Variants in TTLL11 observed in about 807,000 individuals in gnomAD.
The protein encoded by TTLL11 is tubulin tyrosine ligase like 11.
TTLL11 carries 42 observed loss-of-function variants against 51.7 expected under a neutral mutation model. The observed-to-expected ratio is 0.81, with a 90% CI of 0.64 to 1.05. TTLL11 has a LOEUF of 1.05. TTLL11 is among the 50% of genes least tolerant of loss of function. The pLI, the probability that TTLL11 is intolerant of heterozygous loss-of-function variation, is 0.00. For synonymous variants in TTLL11, 381 were observed against 383.5 expected, an observed-to-expected ratio of 0.99 and a Z score of 0.08; for missense variants, 799 against 940.4, an observed-to-expected ratio of 0.85 and a Z score of 1.97.
intron 7 of TTLL11, among the ~76,000 whole-genome samples, chr9:121,864,706 CTGTTTT>C (rs901922580): frequency 1.4e-4 from 22 of 152,282 alleles, no homozygotes; most frequent in South Asian, 6.2e-4. Context: ...AAGAAATAGT[CTGTTTT>C]TGTTTTTGTT....
chr9:122,073,192 T>C (rs978561625), intron 1 of TTLL11, among the ~76,000 whole-genome samples: 3 of 152,062 alleles, frequency 2.0e-5, no homozygotes, highest in Non-Finnish European at 4.4e-5. Flanking sequence ...GGCGGATCAC[T>C]TGAGATCAGG....
At chr9:121,931,193 T>C (rs1840954808) in intron 6 of TTLL11, among the ~76,000 whole-genome samples, 1 of 152,236 alleles carries the variant, frequency 6.6e-6, no homozygotes, top group Admixed American at 6.5e-5. Flanking sequence ...GTCCCATTTG[T>C]CAAACACCGA....
intron 1 of TTLL11, among the ~76,000 whole-genome samples, chr9:122,070,385 G>A (rs1845697385): frequency 6.6e-6 from 1 of 152,138 alleles, no homozygotes; most frequent in South Asian, 2.1e-4. Flanking sequence ...CAGGGGTGAG[G>A]CTGGCTAGGG....
At chr9:121,883,593 A>G (rs1307237801) in intron 6 of TTLL11, among the ~76,000 whole-genome samples, 1 of 152,214 alleles carries the variant, frequency 6.6e-6, no homozygotes, top group Non-Finnish European at 1.5e-5. Context: ...AGGTCCAGAG[A>G]AAAAGTCTAA....
intron 6 of TTLL11, among the ~76,000 whole-genome samples, chr9:121,902,554 TATGCTTG>T (rs1839812374): frequency 6.6e-6 from 1 of 152,190 alleles, no homozygotes. Context: ...CAGCTGGGTT[TATGCTTG>T]ATCTGTTTAG....
chr9:122,091,156 C>T (rs1437650789), intron 1 of TTLL11, among the ~76,000 whole-genome samples: 1 of 152,196 alleles, frequency 6.6e-6, no homozygotes, highest in Non-Finnish European at 1.5e-5. Context: ...ATCTGGCCTG[C>T]TTTATGTCTC....
intron 1 of TTLL11, among the ~76,000 whole-genome samples, chr9:122,077,814 A>G (rs1330338): frequency 0.42 from 61,447 of 146,810 alleles, 14,841 homozygotes; most frequent in African/African-American, 0.66. Context: ...CATGTATTAG[A>G]CCATAAAGCA....
Position 121,870,689 on chromosome 9 carries a change from G to A in TTLL11, c.1541C>T (p.Thr514Ile). ...GKEDALDGEL[T>I]SAPDCNANPE... Reference sequence around the variant, plus strand: ...GTTGGCGTTGCAGTCTGGAGCACTGGTCAGCTCGCCGTCCAAAGCATCTTC... The same window carrying A: ...GTTGGCGTTGCAGTCTGGAGCACTGATCAGCTCGCCGTCCAAAGCATCTTC... Residue 514 changes from threonine to isoleucine, a missense_variant, in exon 7 of 9, where the codon ACC becomes ATC. Around this residue, in one of 3 missense-constraint regions of TTLL11, gnomAD observed 468 missense variants for 612.8 expected, o/e 0.76. Transcript: ENST00000321582. 1.3e-6 allele frequency: 2 copies of A among 1,551,658 alleles called. No homozygotes were observed. Among genetic ancestry groups the A allele is most frequent in the South Asian group, 1.2e-5 (1 of 84,050 alleles).
At position 121,989,284 on chromosome 9, in the gene TTLL11, T is replaced by C. The variant is rs779755273; in HGVS notation, c.1180A>G (p.Ile394Val). 1.2e-6 allele frequency: 2 copies of C among 1,614,162 alleles called. No individual in the cohort carries two copies. Among genetic ancestry groups the C allele is most frequent in the South Asian group, 2.2e-5 (2 of 91,078 alleles). The change falls in exon 4 of 9, where the codon ATT (isoleucine) becomes GTT (valine). Residue 394 changes from isoleucine to valine, a missense_variant. Physicochemically the swap from Ile to Val is conservative, Grantham distance 29. This residue lies in a region of TTLL11 where 468 missense variants were observed against 612.8 expected (regional missense o/e 0.76). Transcript: ENST00000321582. The surrounding 1 kb of genome is among the most constrained non-coding windows in gnomAD (Gnocchi z 4.2). ...GGAGTCAGCGCGATGACCGTCTTAA[T>C]CACCACGGAGATGATGTCAGACCAG... ...KVWSDIISVV[I>V]KTVIALTPEL...
intron 2 of TTLL11, among the ~76,000 whole-genome samples, chr9:122,038,672 G>A (rs1844764941): frequency 1.3e-5 from 2 of 152,228 alleles, no homozygotes; most frequent in East Asian, 3.9e-4. Context: ...AGATTAAAAT[G>A]CAAAACAAAA....
rs567639920 is a variant in TTLL11 at position 121,882,663 on chromosome 9, C to T, written c.1482-11915G>A. ...TCCTGGGCGTTCTTATTCACAAACT[C>T]GATGGCCTGTACCTCGTGCCACCTC... is the stretch of plus-strand genomic sequence containing the variant. On this transcript the variant is annotated intron_variant, in intron 6 of 8. Transcript: ENST00000321582. Among the ~76,000 whole-genome samples the T allele has an allele frequency of 9.5e-4, 145 of 152,174 alleles. 1 individual carries two copies. Among genetic ancestry groups the T allele is most frequent in the African/African-American group, 3.3e-3 (137 of 41,550 alleles).
At chr9:121,895,914 ATG>A (rs1839494545) in intron 6 of TTLL11, among the ~76,000 whole-genome samples, 1 of 4,610 alleles carries the variant, frequency 2.2e-4, no homozygotes, top group African/African-American at 7.6e-4. Context: ...CTTTGTGTGG[ATG>A]TGTGGGTGTG....
At chr9:122,006,997 A>AAAAC (rs1843672708) in intron 3 of TTLL11, among the ~76,000 whole-genome samples, 1 of 145,716 alleles carries the variant, frequency 6.9e-6, no homozygotes, top group African/African-American at 2.7e-5. Flanking sequence ...AAAAAAAAAA[A>AAAAC]AAAAAAAAAA....
Position 121,826,491 on chromosome 9 carries a change from ATATGTG to A in TTLL11, c.1841-3618_1841-3613del, listed in dbSNP as rs1564260314. On this transcript the variant is annotated intron_variant, in intron 8 of 8. Transcript: ENST00000321582. ...TGTATATATATATATGTATATATAT[ATATGTG>A]TGTGTATATATATATATGTATATAT... 5.8e-3 allele frequency among the ~76,000 whole-genome samples: 376 copies of A among 64,998 alleles called. 10 individuals carry two copies. The highest frequency in any genetic ancestry group is 0.04 in the East Asian group (62 of 1,548). The allele number at this position is 64,998 out of a possible 152,430, so 42.6% of individuals were successfully genotyped here.
At chr9:122,023,719 G>GA (rs1021280771) in intron 3 of TTLL11, among the ~76,000 whole-genome samples, 19 of 144,454 alleles carry the variant, frequency 1.3e-4, no homozygotes, top group Non-Finnish European at 1.8e-4. Flanking sequence ...TAGACACAGG[G>GA]AAAAAAAAAA....
In TTLL11 at chr9:121,899,365, GTA is replaced by G. The variant is rs1554766915; in HGVS notation, c.1482-28619_1482-28618del. Among the ~76,000 whole-genome samples, 68 of 113,240 alleles carry G rather than the reference GTA, an allele frequency of 6.0e-4. No homozygotes were observed. The East Asian group carries it at 1.0e-2, about 17-fold the overall frequency. The allele number at this position is 113,240 out of a possible 152,430, so 74.3% of individuals were successfully genotyped here. ...TCTGTGTGTGTGTGTATGTGTGTGTGTATATATATATACATATATATATATAT... is the reference window on the plus strand; with the variant it reads ...TCTGTGTGTGTGTGTATGTGTGTGTGTATATATATACATATATATATATAT... On this transcript the variant is annotated intron_variant, in intron 6 of 8. Transcript: ENST00000321582.
intron 3 of TTLL11, among the ~76,000 whole-genome samples, chr9:122,001,839 A>G (rs1843477943): frequency 6.6e-6 from 1 of 152,200 alleles, no homozygotes; most frequent in Non-Finnish European, 1.5e-5. Flanking sequence ...GAGTGAGAAC[A>G]AGATCTGCTG....
intron 1 of TTLL11, among the ~76,000 whole-genome samples, chr9:122,073,080 C>A (rs1845768511): frequency 6.6e-6 from 1 of 152,146 alleles, no homozygotes; most frequent in Admixed American, 6.5e-5. Flanking sequence ...CAATAATGAA[C>A]AAGACAGATG....
rs866083076 is a variant in TTLL11 at position 121,931,601 on chromosome 9, A to G, written c.1481+42408T>C. On this transcript the variant is annotated intron_variant, in intron 6 of 8. Coordinates refer to ENST00000321582, the MANE Select transcript of TTLL11 (RefSeq NM_001139442.2). ...CTACTATTTAAAAAAAAAAAAAAAA[A>G]AAAAGAAAAGAAAAGAAAGAAATAT... is the stretch of plus-strand genomic sequence containing the variant. Among the ~76,000 whole-genome samples the G allele has an allele frequency of 6.4e-3, 935 of 146,336 alleles. 7 individuals carry two copies. The highest frequency in any genetic ancestry group is 0.02 in the African/African-American group (798 of 39,718).
Sources: allele counts gnomAD v4.1 joint callset (sites outside exome capture counted in the v4.1 genomes callset), GRCh38; gene constraint gnomAD v4.1.1; regional missense constraint gnomAD v4.1.1; non-coding constraint Gnocchi (gnomAD v3.1); transcripts MANE v1.5; gene names NCBI Gene and HGNC (gene_info 2026-07-23, HGNC 2026-07-21).